Variants in SH3BGRL observed in about 807,000 individuals in gnomAD.
SH3BGRL encodes SH3 domain binding glutamate rich protein like, also known as adapter SH3BGRL.
In SH3BGRL, 7 loss-of-function variants were observed where a neutral mutation model predicts 9.8. The observed-to-expected ratio is 0.72, with a 90% CI of 0.41 to 1.35. SH3BGRL has a LOEUF of 1.35. Ranked by LOEUF, SH3BGRL falls within the 40% of genes most tolerant of loss-of-function variation. The pLI is 0.01. For synonymous variants in SH3BGRL, 36 were observed against 29.1 expected, an observed-to-expected ratio of 1.24 and a Z score of -0.76; for missense variants, 73 against 84.4, an observed-to-expected ratio of 0.86 and a Z score of 0.53.
intron 1 of SH3BGRL, among the ~76,000 whole-genome samples, chrX:81,211,467 G>A (rs1422869505): frequency 9.0e-6 from 1 of 110,884 alleles, no homozygotes; most frequent in Non-Finnish European, 1.9e-5. Context: ...GGCGCCTGTA[G>A]TCCCAGCTAC....
intron 3 of SH3BGRL, among the ~76,000 whole-genome samples, chrX:81,290,395 C>T (rs1293246115): frequency 9.0e-6 from 1 of 111,566 alleles, no homozygotes; most frequent in African/African-American, 3.3e-5. Flanking sequence ...AGTATTCAGC[C>T]ATGAAAAAGA....
intron 1 of SH3BGRL, chrX:81,237,180 C>T (rs1569361209): frequency 6.5e-6 from 3 of 464,888 alleles, no homozygotes; most frequent in Non-Finnish European, 1.0e-5. Context: ...CACACGAACA[C>T]CAATTTAACA....
intron 1 of SH3BGRL, among the ~76,000 whole-genome samples, chrX:81,227,393 T>A (rs2075620503): frequency 8.9e-6 from 1 of 111,941 alleles, no homozygotes; most frequent in Non-Finnish European, 1.9e-5. Context: ...AAATGTTCTG[T>A]TCTGCACAGT....
intron 1 of SH3BGRL, among the ~76,000 whole-genome samples, chrX:81,276,179 A>G (rs1372935894): frequency 9.1e-6 from 1 of 110,128 alleles, no homozygotes; most frequent in Non-Finnish European, 1.9e-5. Context: ...CGGAAGAGAA[A>G]CTGAACTGAA....
intron 1 of SH3BGRL, among the ~76,000 whole-genome samples, chrX:81,223,574 T>G (rs781533309): frequency 8.9e-5 from 10 of 111,894 alleles, no homozygotes; most frequent in African/African-American, 2.9e-4. Flanking sequence ...CTTCTCTTTT[T>G]AGGAAGCTTT....
intron 1 of SH3BGRL, among the ~76,000 whole-genome samples, chrX:81,222,278 C>G (rs959343750): frequency 9.3e-6 from 1 of 107,660 alleles, no homozygotes; most frequent in Non-Finnish European, 1.9e-5. Context: ...CCCATTAACT[C>G]GTCATTTAAC....
chrX:81,222,389 T>A (rs1457640048), intron 1 of SH3BGRL, among the ~76,000 whole-genome samples: 3 of 98,141 alleles, frequency 3.1e-5, no homozygotes, highest in Non-Finnish European at 6.1e-5. Context: ...GTTCTCATAG[T>A]TCAATTCCCA....
chrX:81,241,809 A>G (rs2075670895), intron 1 of SH3BGRL, among the ~76,000 whole-genome samples: 1 of 112,369 alleles, frequency 8.9e-6, no homozygotes, highest in Admixed American at 9.3e-5. Context: ...TCTCGTCCAG[A>G]CACAGGTTGC....
At chrX:81,242,303 A>T (rs1258076144) in intron 1 of SH3BGRL, among the ~76,000 whole-genome samples, 3 of 112,309 alleles carry the variant, frequency 2.7e-5, no homozygotes, top group African/African-American at 9.7e-5. Flanking sequence ...TGCCATGAAC[A>T]TACACTGGGG....
chrX:81,220,593 T>C (rs940896689), intron 1 of SH3BGRL, among the ~76,000 whole-genome samples: 29 of 99,805 alleles, frequency 2.9e-4, no homozygotes, highest in African/African-American at 1.1e-3. Flanking sequence ...TTTTTTAGTG[T>C]TTTTTTTTCA....
intron 1 of SH3BGRL, among the ~76,000 whole-genome samples, chrX:81,248,439 A>G (rs996416779): frequency 9.8e-5 from 11 of 112,425 alleles, no homozygotes; most frequent in Middle Eastern, 4.6e-3. Context: ...TTCCAGGTCA[A>G]CAAGCTGGCC....
chrX:81,259,793 T>C (rs1448947470), intron 1 of SH3BGRL, among the ~76,000 whole-genome samples: 1 of 112,142 alleles, frequency 8.9e-6, no homozygotes, highest in Non-Finnish European at 1.9e-5. Flanking sequence ...ACTGACACTG[T>C]TATGGAAGCA....
At chrX:81,290,260 A>G (rs1322685515) in intron 3 of SH3BGRL, among the ~76,000 whole-genome samples, 2 of 112,302 alleles carry the variant, frequency 1.8e-5, no homozygotes, top group Non-Finnish European at 3.8e-5. Flanking sequence ...CAGTATATCA[A>G]AGAGATATCT....
At chrX:81,248,172 T>A (rs771343123) in intron 1 of SH3BGRL, among the ~76,000 whole-genome samples, 1 of 111,349 alleles carries the variant, frequency 9.0e-6, no homozygotes, top group East Asian at 2.8e-4. Context: ...CCTTTCTGAT[T>A]ATGCTTATTT....
chrX:81,279,990 CG>C lies in SH3BGRL; in HGVS notation c.312+1584del, dbSNP rs1448331694. On this transcript the variant is annotated intron_variant, in intron 3 of 3. Transcript: ENST00000373212. ...TGGAAACAGACTCAGGGCTGTTGGA[CG>C]GGGGCTTGGTGGAAGTGAGACCAAC... Among the ~76,000 whole-genome samples the C allele has an allele frequency of 6.3e-5, 7 of 111,352 alleles. No individual in the cohort carries two copies. In the South Asian group the frequency reaches 2.7e-3, roughly 42 times the overall value.
intron 1 of SH3BGRL, among the ~76,000 whole-genome samples, chrX:81,239,475 C>G (rs2075660837): frequency 9.0e-6 from 1 of 111,545 alleles, no homozygotes; most frequent in South Asian, 3.7e-4. Context: ...TGAAAATGCA[C>G]AGTCATAGGA....
intron 1 of SH3BGRL, among the ~76,000 whole-genome samples, chrX:81,224,878 CT>C (rs995585996): frequency 2.3e-4 from 25 of 107,137 alleles, no homozygotes; most frequent in East Asian, 5.8e-4. Flanking sequence ...GTTGGGAACA[CT>C]TTTTTTTTTC....
rs1222186845 is a variant in SH3BGRL at position 81,297,560 on chromosome X, T to C, written c.*333T>C. On this transcript the variant is annotated 3_prime_UTR_variant, in exon 4 of 4. Transcript: ENST00000373212. ...TCTGCCATTACTATGGCAACTTAAG[T>C]GTATCTGCAGCTCTACATTAAAAAG... The C allele has an allele frequency of 7.1e-6, 1 of 140,568 alleles. No individual in the cohort carries two copies. Among genetic ancestry groups the C allele is most frequent in the Non-Finnish European group, 1.4e-5 (1 of 72,177 alleles). The allele number at this position is 140,568 out of a possible 1,213,427, so 11.6% of individuals were successfully genotyped here.
chrX:81,238,007 G>T (rs1217287583), intron 1 of SH3BGRL, among the ~76,000 whole-genome samples: 1 of 109,288 alleles, frequency 9.2e-6, no homozygotes, highest in Admixed American at 9.8e-5. Flanking sequence ...GGAACCCACT[G>T]CCTTGAAGGG....
Sources: gnomAD v4.1 joint callset for allele counts (sites outside exome capture counted in the v4.1 genomes callset) on GRCh38, gnomAD v4.1.1 for gene constraint, MANE v1.5 for transcripts, NCBI Gene and HGNC (gene_info 2026-07-23, HGNC 2026-07-21) for gene names.